Variants in KIAA2012 observed in about 807,000 individuals in gnomAD.
KIAA2012 encodes the protein uncharacterized protein KIAA2012.
KIAA2012 carries 125 observed loss-of-function variants against 150.6 expected under a neutral mutation model. The ratio of observed to expected loss-of-function variants is 0.83; its 90% CI spans 0.72 to 0.96. The LOEUF is 0.96. Ranked by LOEUF, KIAA2012 falls within the 40% of genes least tolerant of loss-of-function variation. KIAA2012 has a pLI of 0.00. For synonymous variants in KIAA2012, 462 were observed against 504.7 expected (o/e 0.92, Z 1.13); for missense variants, 1,219 against 1,354.9 (o/e 0.90, Z 1.57).
intron 14 of KIAA2012, among the ~76,000 whole-genome samples, chr2:202,156,212 A>G (rs551423357): frequency 4.7e-4 from 72 of 152,268 alleles, no homozygotes; most frequent in African/African-American, 1.7e-3. Context: ...CTCTATAGAA[A>G]AAAAAAACTA....
intron 15 of KIAA2012, among the ~76,000 whole-genome samples, chr2:202,174,415 A>G (rs1464165735): frequency 6.6e-6 from 1 of 152,216 alleles, no homozygotes; most frequent in Non-Finnish European, 1.5e-5. Flanking sequence ...TGACACTGGT[A>G]TTATTTCCAG....
intron 16 of KIAA2012, 48 bp from the exon 17 acceptor site, chr2:202,186,885 A>T (rs1210278349): frequency 6.5e-7 from 1 of 1,534,364 alleles, no homozygotes; most frequent in Non-Finnish European, 8.8e-7. Flanking sequence ...CTTTCTTTCC[A>T]CCAGAGTTTT....
intron 12 of KIAA2012, chr2:202,125,858 A>C (rs1197974622): frequency 2.2e-6 from 1 of 451,934 alleles, no homozygotes; most frequent in Non-Finnish European, 4.4e-6. Flanking sequence ...GACCAAGGGA[A>C]GGATGATGAC....
intron 15 of KIAA2012, among the ~76,000 whole-genome samples, chr2:202,181,460 G>A (rs1326567157): frequency 6.6e-6 from 1 of 152,062 alleles, no homozygotes; most frequent in East Asian, 1.9e-4. Flanking sequence ...GTGTACACCT[G>A]TAGCCTCAGC....
At chr2:202,201,572 C>A in intron 22 of KIAA2012, 2 of 1,610,396 alleles carry the variant, frequency 1.2e-6, no homozygotes, top group Non-Finnish European at 1.7e-6. Flanking sequence ...CGCCTTCCAC[C>A]AGCACTGTGG....
At chr2:202,118,899 C>A (rs1690591057) in intron 11 of KIAA2012, among the ~76,000 whole-genome samples, 1 of 152,192 alleles carries the variant, frequency 6.6e-6, no homozygotes, top group Admixed American at 6.5e-5. Context: ...TTGACAGAAA[C>A]CTCTTGTGAT....
chr2:202,101,426 C>A (rs1296077041), intron 7 of KIAA2012, among the ~76,000 whole-genome samples: 1 of 152,194 alleles, frequency 6.6e-6, no homozygotes, highest in Non-Finnish European at 1.5e-5. Context: ...GCTTGACCTG[C>A]CAAGCTCACC....
chr2:202,109,913 C>T (rs1690302750), intron 10 of KIAA2012, 124 bp downstream of exon 10: 1 of 821,088 alleles, frequency 1.2e-6, no homozygotes, highest in Middle Eastern at 3.7e-4. Flanking sequence ...GTAATTGACA[C>T]TGTTTCTGAT....
At chr2:202,133,510 T>G (rs937675958) in intron 12 of KIAA2012, among the ~76,000 whole-genome samples, 1 of 152,176 alleles carries the variant, frequency 6.6e-6, no homozygotes, top group Non-Finnish European at 1.5e-5. Context: ...GTAAAAGGAC[T>G]GTTATCCCAA....
chr2:202,133,122 ATATATATATTT>A lies in KIAA2012; in HGVS notation c.1832-5308_1832-5298del, dbSNP rs1171223684. Among the ~76,000 whole-genome samples, 29 of 71,892 alleles carry A rather than the reference ATATATATATTT, an allele frequency of 4.0e-4. 2 individuals are homozygous for A. Among genetic ancestry groups the A allele is most frequent in the African/African-American group, 1.3e-3 (24 of 17,838 alleles). The allele number at this position is 71,892 out of a possible 152,430, so 47.2% of individuals were successfully genotyped here. A position where few individuals can be genotyped will look rare whatever the true frequency, so the allele number is the denominator to read the frequency against. On this transcript the variant is annotated intron_variant, in intron 12 of 23. Coordinates refer to ENST00000498697, the MANE Select transcript of KIAA2012 (RefSeq NM_001277372.4). ...TGTCTAAAAAAAAATATATATATAT[ATATATATATTT>A]TTTTTTTTTCTGGAGAATGGAGACC...
chr2:202,136,016 G>A (rs1181315252), intron 12 of KIAA2012: 1 of 326,556 alleles, frequency 3.1e-6, no homozygotes, highest in African/African-American at 2.2e-5. Context: ...AATTTTTTTT[G>A]AAACAGAGTC....
chr2:202,106,356 T>C (rs554555837), intron 9 of KIAA2012, among the ~76,000 whole-genome samples: 1 of 152,338 alleles, frequency 6.6e-6, no homozygotes, highest in Admixed American at 6.5e-5. Context: ...ATTTCATTTC[T>C]AATCTGTTTA....
chr2:202,132,912 C>G (rs1252041522), intron 12 of KIAA2012, among the ~76,000 whole-genome samples: 1 of 129,418 alleles, frequency 7.7e-6, no homozygotes, highest in Non-Finnish European at 1.6e-5. Context: ...CTGGCTAAGA[C>G]GGTGAAACCC....
At chr2:202,078,178 C>A (rs185124436) in intron 2 of KIAA2012, among the ~76,000 whole-genome samples, 1 of 152,236 alleles carries the variant, frequency 6.6e-6, no homozygotes, top group East Asian at 1.9e-4. Flanking sequence ...ACAGTAAATG[C>A]CCAGCAATGG....
chr2:202,194,851 C>A (rs1692386439), intron 21 of KIAA2012, among the ~76,000 whole-genome samples: 1 of 152,164 alleles, frequency 6.6e-6, no homozygotes, highest in Non-Finnish European at 1.5e-5. Flanking sequence ...TCACTGCAAC[C>A]TCTGCCTCCC....
intron 9 of KIAA2012, among the ~76,000 whole-genome samples, chr2:202,106,794 A>C (rs1204640447): frequency 6.6e-6 from 1 of 152,090 alleles, no homozygotes; most frequent in African/African-American, 2.4e-5. Context: ...GGTGCATCTA[A>C]GTGTTTGTGT....
chr2:202,112,724 G>A (rs1037410624), intron 10 of KIAA2012, among the ~76,000 whole-genome samples: 1 of 152,236 alleles, frequency 6.6e-6, no homozygotes, highest in Non-Finnish European at 1.5e-5. Flanking sequence ...AGTCCCAGGA[G>A]TGTTCTGGGT....
Position 202,090,937 on chromosome 2 carries a change from G to A in KIAA2012, c.529+8G>A, listed in dbSNP as rs1239368208. 1.3e-6 allele frequency: 2 copies of A among 1,535,924 alleles called. No homozygotes were observed. Among genetic ancestry groups the A allele is most frequent in the African/African-American group, 2.7e-5 (2 of 72,760 alleles). ...ATAGGCTCTGGTGCGCAGGTCAGTG[G>A]GGAAATGGGAGGGGGGCACACCCCA... On this transcript the variant is annotated splice_region_variant and intron_variant, in intron 3 of 23. Coordinates refer to ENST00000498697, the MANE Select transcript of KIAA2012 (RefSeq NM_001277372.4).
rs576511484 is a variant in KIAA2012, at chr2:202,076,744, T to C, written c.369+1569T>C. ...ACTGCCTACCTCACCAGGGCCTGCA[T>C]ACTTTGCACTCTGCCCTGTTGTTTG... On this transcript the variant is annotated intron_variant, in intron 2 of 23. Coordinates refer to ENST00000498697, the MANE Select transcript of KIAA2012 (RefSeq NM_001277372.4). 4.5e-4 allele frequency among the ~76,000 whole-genome samples: 68 copies of C among 152,182 alleles called. 1 individual carries two copies. The highest frequency in any genetic ancestry group is 8.8e-5 in the Non-Finnish European group (6 of 68,036).
Sources: allele counts gnomAD v4.1 joint callset (sites outside exome capture counted in the v4.1 genomes callset), GRCh38; gene constraint gnomAD v4.1.1; transcripts MANE v1.5; gene names NCBI Gene and HGNC (gene_info 2026-07-23, HGNC 2026-07-21).